Variants in NTM observed in about 807,000 individuals in gnomAD.
NTM encodes the protein neurotrimin.
A neutral mutation model predicts 42.1 loss-of-function variants in NTM; 13 were observed. That is an observed-to-expected ratio of 0.31 (90% CI 0.20 to 0.49). The LOEUF is 0.49. Ranked by LOEUF, NTM falls within the 20% of genes least tolerant of loss-of-function variation. The pLI, the probability that NTM is intolerant of heterozygous loss-of-function variation, is 0.99. For missense variants in NTM, 373 were observed against 452.8 expected, an observed-to-expected ratio of 0.82 and a Z score of 1.60; for synonymous variants, 187 against 179.2, an observed-to-expected ratio of 1.04 and a Z score of -0.35.
intron 1 of NTM, among the ~76,000 whole-genome samples, chr11:131,884,899 T>C (rs1444287489): frequency 2.0e-5 from 3 of 152,142 alleles, no homozygotes; most frequent in Non-Finnish European, 4.4e-5. Context: ...GCCCTTTAGG[T>C]GCATTCAACC....
intron 2 of NTM, among the ~76,000 whole-genome samples, chr11:132,058,394 T>C (rs2080064906): frequency 6.6e-6 from 1 of 152,218 alleles, no homozygotes; most frequent in Non-Finnish European, 1.5e-5. Flanking sequence ...AACTCTGCCC[T>C]GCGAAGCGGA....
chr11:132,253,581 A>C (rs1046333872), intron 4 of NTM, among the ~76,000 whole-genome samples: 1 of 152,176 alleles, frequency 6.6e-6, no homozygotes, highest in Non-Finnish European at 1.5e-5. Flanking sequence ...ATCTAGTCCT[A>C]TTGTTTATTT....
intron 1 of NTM, among the ~76,000 whole-genome samples, chr11:131,403,189 G>A (rs549825654): frequency 6.6e-6 from 1 of 152,266 alleles, no homozygotes; most frequent in East Asian, 1.9e-4. Flanking sequence ...CTTTGCTGGA[G>A]GTGTCCCTAG....
chr11:131,612,163 A>G (rs2061511694), intron 1 of NTM, among the ~76,000 whole-genome samples: 1 of 152,178 alleles, frequency 6.6e-6, no homozygotes, highest in South Asian at 2.1e-4. Context: ...TTTGCCAGCC[A>G]TGTACATGGG....
At chr11:132,305,865 C>A (rs1257642869) in intron 4 of NTM, among the ~76,000 whole-genome samples, 1 of 152,212 alleles carries the variant, frequency 6.6e-6, no homozygotes, top group Non-Finnish European at 1.5e-5. Context: ...GTCCTCTTCA[C>A]ATCCTGGTCT....
At chr11:132,237,074 C>T (rs774791387) in intron 4 of NTM, among the ~76,000 whole-genome samples, 12 of 152,190 alleles carry the variant, frequency 7.9e-5, no homozygotes, top group Non-Finnish European at 1.0e-4. Flanking sequence ...TGGTTGAGCT[C>T]ATTCCACCCC....
chr11:131,653,770 C>T (rs559590306), intron 1 of NTM, among the ~76,000 whole-genome samples: 46 of 152,306 alleles, frequency 3.0e-4, no homozygotes, highest in African/African-American at 1.0e-3. Context: ...CCCCCCGCGG[C>T]CTCTTTTCTA....
At chr11:131,711,373 T>C (rs541654121) in intron 1 of NTM, among the ~76,000 whole-genome samples, 32 of 152,108 alleles carry the variant, frequency 2.1e-4, no homozygotes, top group African/African-American at 6.5e-4. Flanking sequence ...AAAAAACACA[T>C]GAAAAAATGC....
intron 1 of NTM, among the ~76,000 whole-genome samples, chr11:131,631,364 G>C (rs2063641864): frequency 6.6e-6 from 1 of 152,182 alleles, no homozygotes; most frequent in African/African-American, 2.4e-5. Context: ...AACCTAACTT[G>C]TCAATTTCAG....
intron 8 of NTM, chr11:132,332,857 G>T (rs1009802898): frequency 2.6e-5 from 4 of 152,258 alleles, no homozygotes; most frequent in Non-Finnish European, 4.4e-5. Flanking sequence ...CAAGGAGGGA[G>T]TTCAGAAGAG....
intron 1 of NTM, among the ~76,000 whole-genome samples, chr11:131,601,334 T>C (rs1445695462): frequency 6.6e-6 from 1 of 152,188 alleles, no homozygotes; most frequent in Non-Finnish European, 1.5e-5. Flanking sequence ...ACTAACTGCA[T>C]AAGTTTGGCA....
intron 3 of NTM, among the ~76,000 whole-genome samples, chr11:132,211,471 A>G (rs997781898): frequency 6.6e-6 from 1 of 152,168 alleles, no homozygotes; most frequent in Admixed American, 6.5e-5. Flanking sequence ...GAACCCAAAT[A>G]CTTTATGCCC....
chr11:132,126,123 C>T (rs1408339811), intron 2 of NTM, among the ~76,000 whole-genome samples: 3 of 152,040 alleles, frequency 2.0e-5, no homozygotes, highest in Non-Finnish European at 2.9e-5. Context: ...GGTGTGTGAA[C>T]GAGTGCAGAA....
chr11:131,425,334 C>T (rs1190867500), intron 1 of NTM, among the ~76,000 whole-genome samples: 5 of 152,210 alleles, frequency 3.3e-5, no homozygotes, highest in South Asian at 2.1e-4. Context: ...TAGTTCCTGC[C>T]GCGAGTTACA....
At chr11:131,796,198 A>C (rs1313154960) in intron 1 of NTM, 1 of 982,604 alleles carries the variant, frequency 1.0e-6, no homozygotes, top group African/African-American at 1.8e-5. Flanking sequence ...GAAAAGGTTA[A>C]GGTGGTCAGA....
intron 1 of NTM, among the ~76,000 whole-genome samples, chr11:131,686,114 A>G (rs2134931732): frequency 6.6e-6 from 1 of 152,312 alleles, no homozygotes; most frequent in East Asian, 1.9e-4. Flanking sequence ...CAGGCCACAG[A>G]CCACGGTCTC....
chr11:131,795,876 C>T lies in NTM; in HGVS notation c.83-115688C>T, dbSNP rs372071969. On this transcript the variant is annotated intron_variant, in intron 1 of 8. Coordinates refer to ENST00000683400, the MANE Select transcript of NTM (RefSeq NM_001352005.2). ...CAGGGTGCTCCTGAACCATAGAGAC[C>T]GCCTGCCTTGTCTAGTGTGGAGGGA... is the stretch of plus-strand genomic sequence containing the variant. The T allele has an allele frequency of 3.0e-5, 29 of 982,710 alleles. No individual in the cohort carries two copies. In the South Asian group the frequency reaches 6.1e-4, roughly 21 times the overall value. 60.9% of individuals were successfully genotyped at this position (982,710 alleles called of 1,614,324 possible). A position where few individuals can be genotyped will look rare whatever the true frequency, so the allele number is the denominator to read the frequency against.
intron 2 of NTM, among the ~76,000 whole-genome samples, chr11:132,035,721 T>A (rs2076433700): frequency 6.6e-6 from 1 of 152,102 alleles, no homozygotes; most frequent in African/African-American, 2.4e-5. Flanking sequence ...GCCCCATTGC[T>A]TTCATCTTGA....
chr11:131,463,353 G>A (rs1342552369), intron 1 of NTM, among the ~76,000 whole-genome samples: 3 of 152,220 alleles, frequency 2.0e-5, no homozygotes, highest in African/African-American at 7.2e-5. Context: ...AGAGAGGCAT[G>A]GGTGAGGGTA....
Sources: allele counts gnomAD v4.1 joint callset (sites outside exome capture counted in the v4.1 genomes callset), GRCh38; gene constraint gnomAD v4.1.1; transcripts MANE v1.5; gene names NCBI Gene and HGNC (gene_info 2026-07-23, HGNC 2026-07-21).